The following SMC4 variants were observed in gnomAD, a reference collection of about 807,000 sequenced individuals.
The protein encoded by SMC4 is structural maintenance of chromosomes protein 4.
SMC4 carries 87 observed loss-of-function variants against 145.6 expected under a neutral mutation model. The ratio of observed to expected loss-of-function variants is 0.60; its 90% CI spans 0.50 to 0.71. SMC4 has a LOEUF of 0.71. Among genes scored for constraint, SMC4 ranks in the 30% least tolerant of loss-of-function variants. The pLI is 0.00. For synonymous variants in SMC4, 558 were observed against 500.7 expected (o/e 1.11, Z -1.53); for missense variants, 1,447 against 1,537.1 (o/e 0.94, Z 0.98).
rs138042409 is a variant in SMC4, at chr3:160,413,411, T to C, written c.981-62T>C. 358 of 1,477,292 alleles carry C rather than the reference T, an allele frequency of 2.4e-4. 1 individual carries two copies. The South Asian group carries it at 3.0e-3, about 12-fold the overall frequency. 91.5% of individuals were successfully genotyped at this position (1,477,292 alleles called of 1,614,324 possible). On this transcript the variant is annotated intron_variant, in intron 7 of 23. Coordinates refer to ENST00000357388, the MANE Select transcript of SMC4 (RefSeq NM_001002800.3). ...ACAGTTAGTTTTACTAAAATTGTTA[T>C]ACAGTTTTGGAAATGGCATTTTAGG... is the stretch of plus-strand genomic sequence containing the variant.
chr3:160,427,793 T>C (rs1369661345), intron 17 of SMC4, among the ~76,000 whole-genome samples: 1 of 152,194 alleles, frequency 6.6e-6, no homozygotes, highest in Non-Finnish European at 1.5e-5. Context: ...ATTTTATATT[T>C]AAGATAAATT....
At chr3:160,411,806 A>G (rs879087879) in intron 5 of SMC4, 114 bp from the exon 6 acceptor site, 1 of 744,864 alleles carries the variant, frequency 1.3e-6, no homozygotes, top group Non-Finnish European at 2.1e-6. Flanking sequence ...CTAACTGTAC[A>G]TTATTTAGAT....
At position 160,422,021 on chromosome 3, in the gene SMC4, A is replaced by G. The variant is rs191003984; in HGVS notation, c.2019+1120A>G. ...ACTTAGCAGGTTTTCAGGTTCATCT[A>G]TGTTGTAGCATGTATCAGTACTTCA... is the stretch of plus-strand genomic sequence containing the variant. On this transcript the variant is annotated intron_variant, in intron 13 of 23. Transcript: ENST00000357388. Among the ~76,000 whole-genome samples the G allele has an allele frequency of 1.6e-4, 25 of 152,300 alleles. No homozygotes were observed. The East Asian group carries it at 2.7e-3, about 16-fold the overall frequency.
At chr3:160,414,283 A>C in intron 8 of SMC4, 84 bp from the exon 9 acceptor site, 1 of 1,095,334 alleles carries the variant, frequency 9.1e-7, no homozygotes, top group East Asian at 2.4e-5. Flanking sequence ...ACATATTTAT[A>C]GAGGAAGTGT....
rs139088098 is a variant in SMC4 at position 160,405,397 on chromosome 3, C to G, written c.687+893C>G. Among the ~76,000 whole-genome samples the G allele has an allele frequency of 3.2e-3, 485 of 151,312 alleles. 2 individuals carry two copies. Among genetic ancestry groups the G allele is most frequent in the African/African-American group, 0.011 (466 of 41,332 alleles). ...CGAGGGTATCTTCTTTTCCTGTGTTCTATCCAGAATCACCGAAGCATAATA... is the reference window on the plus strand; with the variant it reads ...CGAGGGTATCTTCTTTTCCTGTGTTGTATCCAGAATCACCGAAGCATAATA... On this transcript the variant is annotated intron_variant, in intron 5 of 23. Transcript: ENST00000357388.
intron 17 of SMC4, among the ~76,000 whole-genome samples, chr3:160,427,268 CAAAG>C (rs1009072479): frequency 3.9e-5 from 6 of 152,078 alleles, no homozygotes; most frequent in African/African-American, 1.4e-4. Flanking sequence ...AGTGGAGGCC[CAAAG>C]AAAGTATGAG....
chr3:160,414,508 TAAAGA>T lies in SMC4; in HGVS notation c.1268_1272del (p.Glu423GlyfsTer2). Reference sequence around the variant, plus strand: ...AACTGGAGAAACAACTTCAAAAAGATAAAGAAAAGGTAGGTGTTAGAAAAAAATTC... The same window carrying T: ...AACTGGAGAAACAACTTCAAAAAGATAAAGGTAGGTGTTAGAAAAAAATTC... On this transcript the variant is annotated frameshift_variant, in exon 9 of 24. Transcript: ENST00000357388. LOFTEE classifies it high-confidence loss of function. 6.2e-7 allele frequency: 1 copy of T among 1,610,546 alleles called. No homozygotes were observed. Among genetic ancestry groups the T allele is most frequent in the South Asian group, 1.1e-5 (1 of 90,490 alleles).
chr3:160,422,808 T>A (rs547871314), intron 13 of SMC4, among the ~76,000 whole-genome samples: 1 of 152,296 alleles, frequency 6.6e-6, no homozygotes, highest in East Asian at 1.9e-4. Context: ...GGTTTTAATC[T>A]ATTTTGAGTT....
At chr3:160,420,298 C>T (rs550633174) in intron 12 of SMC4, among the ~76,000 whole-genome samples, 95 of 152,312 alleles carry the variant, frequency 6.2e-4, no homozygotes, top group African/African-American at 9.6e-4. Context: ...CATCTTGTAT[C>T]GGGACTTCCA....
intron 13 of SMC4, among the ~76,000 whole-genome samples, chr3:160,421,235 T>C (rs1344932018): frequency 1.3e-5 from 2 of 151,854 alleles, no homozygotes; most frequent in Non-Finnish European, 2.9e-5. Flanking sequence ...AGCCCTATAA[T>C]TGAATTTTTA....
chr3:160,409,295 CTG>C (rs1457899190), intron 5 of SMC4, among the ~76,000 whole-genome samples: 1 of 120,788 alleles, frequency 8.3e-6, no homozygotes, highest in Non-Finnish European at 1.7e-5. Context: ...AAAAAAAAGA[CTG>C]AATGTTATAC....
chr3:160,416,907 G>A (rs907111629), intron 10 of SMC4, among the ~76,000 whole-genome samples: 2 of 151,880 alleles, frequency 1.3e-5, no homozygotes, highest in African/African-American at 4.8e-5. Flanking sequence ...AAATGAGAAA[G>A]AATATATCTA....
chr3:160,408,839 A>G (rs1715636601), intron 5 of SMC4, among the ~76,000 whole-genome samples: 2 of 152,176 alleles, frequency 1.3e-5, no homozygotes, highest in Admixed American at 6.5e-5. Flanking sequence ...GACATCAAAG[A>G]ACAGAGCAAC....
chr3:160,429,291 G>A (rs988264578), intron 18 of SMC4, among the ~76,000 whole-genome samples: 3 of 152,026 alleles, frequency 2.0e-5, no homozygotes, highest in Admixed American at 6.5e-5. Context: ...AGTAAAAGAG[G>A]TAAAAATGGG....
At chr3:160,423,909 AC>A in intron 15 of SMC4, 69 bp downstream of exon 15, 1 of 1,281,540 alleles carries the variant, frequency 7.8e-7, no homozygotes, top group East Asian at 2.5e-5. Context: ...GTATATACTT[AC>A]TACAAAATTT....
chr3:160,412,098 A>G lies in SMC4; in HGVS notation c.852+14A>G, dbSNP rs748038079. On this transcript the variant is annotated intron_variant, in intron 6 of 23. Transcript: ENST00000357388. The stretch of plus-strand genomic sequence containing the variant: ...AGAGGAGAGAAGGTGAATCATCTGT[A>G]GACTTTCATTGTAAATCAGAATGTT... The G allele has an allele frequency of 6.2e-7, 1 of 1,603,940 alleles. No individual in the cohort carries two copies. Among genetic ancestry groups the G allele is most frequent in the Non-Finnish European group, 8.5e-7 (1 of 1,175,560 alleles).
chr3:160,405,881 A>T (rs1457017733), intron 5 of SMC4, among the ~76,000 whole-genome samples: 1 of 152,072 alleles, frequency 6.6e-6, no homozygotes, highest in Admixed American at 6.5e-5. Context: ...TTTGATGATG[A>T]TACCAATTTG....
chr3:160,418,303 C>T (rs1716799143), intron 11 of SMC4, among the ~76,000 whole-genome samples: 1 of 152,042 alleles, frequency 6.6e-6, no homozygotes, highest in Non-Finnish European at 1.5e-5. Flanking sequence ...AATATACAAA[C>T]AACTATCTTA....
Position 160,417,830 on chromosome 3 carries a change from T to C in SMC4, c.1545T>C (p.Thr515=). 1.9e-6 allele frequency: 3 copies of C among 1,613,730 alleles called. No homozygotes were observed. The highest frequency in any genetic ancestry group is 2.5e-6 in the Non-Finnish European group (3 of 1,179,786). ...ATATCTATCTCAGTCGTCATAATACTGCAGTGTCTCAATTAACTAAGGCTA... is the reference window on the plus strand; with the variant it reads ...ATATCTATCTCAGTCGTCATAATACCGCAGTGTCTCAATTAACTAAGGCTA... ...ELDIYLSRHN[T]AVSQLTKAKE... Residue 515 remains threonine, a synonymous_variant, in exon 11 of 24, where the codon ACT becomes ACC. Transcript: ENST00000357388.
Sources: gnomAD v4.1 joint callset for allele counts (sites outside exome capture counted in the v4.1 genomes callset) on GRCh38, gnomAD v4.1.1 for gene constraint, MANE v1.5 for transcripts, NCBI Gene and HGNC (gene_info 2026-07-23, HGNC 2026-07-21) for gene names.